The following CPNE5 variants were observed in gnomAD, a reference collection of about 807,000 sequenced individuals.
CPNE5 encodes copine 5.
Under a neutral mutation model 81.1 loss-of-function variants are expected in CPNE5, and 42 were observed. That is an observed-to-expected ratio of 0.52 (90% CI 0.40 to 0.67). The LOEUF is 0.67. CPNE5 is among the 30% of genes least tolerant of loss of function. The pLI is 0.00. For missense variants in CPNE5, 612 were observed against 815.5 expected (o/e 0.75, Z 3.04); for synonymous variants, 313 against 321.5 (o/e 0.97, Z 0.28).
intron 7 of CPNE5, among the ~76,000 whole-genome samples, chr6:36,793,216 T>C (rs950013506): frequency 1.3e-5 from 2 of 151,984 alleles, no homozygotes; most frequent in Non-Finnish European, 2.9e-5. Flanking sequence ...AGGGAGAGGC[T>C]CTCAAACAGA....
chr6:36,763,113 C>A, intron 11 of CPNE5, 121 bp from the exon 12 acceptor site: 1 of 824,502 alleles, frequency 1.2e-6, no homozygotes, highest in Non-Finnish European at 2.0e-6. Flanking sequence ...ACTCCAGGGG[C>A]ACACGCCAGC....
At chr6:36,823,617 T>G (rs1222292120) in intron 1 of CPNE5, among the ~76,000 whole-genome samples, 1 of 152,154 alleles carries the variant, frequency 6.6e-6, no homozygotes, top group Non-Finnish European at 1.5e-5. Context: ...TTGGACAAGG[T>G]CCTTCTGTGG....
chr6:36,794,172 CAG>C (rs1491284699), intron 7 of CPNE5, among the ~76,000 whole-genome samples: 1 of 118,430 alleles, frequency 8.4e-6, no homozygotes, highest in Non-Finnish European at 1.6e-5. Flanking sequence ...GGGAGGGGAA[CAG>C]GGGGGAAAGG....
In CPNE5 at chr6:36,807,206, G is replaced by T. The variant is rs922195921; in HGVS notation, c.184-7136C>A. Among the ~76,000 whole-genome samples the T allele has an allele frequency of 3.9e-4, 60 of 152,224 alleles. 1 individual carries two copies. The highest frequency in any genetic ancestry group is 5.9e-5 in the Non-Finnish European group (4 of 68,046). ...CCTAGCTTTGAAGACAGGTCTCAAG[G>T]TTTCCCACATAAAGCAGTAAAGTGA... On this transcript the variant is annotated intron_variant, in intron 3 of 20. Coordinates refer to ENST00000244751, the MANE Select transcript of CPNE5 (RefSeq NM_020939.2).
intron 12 of CPNE5, among the ~76,000 whole-genome samples, chr6:36,762,002 A>C (rs2052990): frequency 0.66 from 100,602 of 151,858 alleles, 34,041 homozygotes; most frequent in Non-Finnish European, 0.75. Flanking sequence ...CTATAATCCC[A>C]GCACTTTGGG....
At chr6:36,816,870 C>T (rs1771590701) in intron 3 of CPNE5, among the ~76,000 whole-genome samples, 1 of 152,164 alleles carries the variant, frequency 6.6e-6, no homozygotes, top group African/African-American at 2.4e-5. Context: ...CCTCTGTCTC[C>T]TGGGTTCAAG....
rs9470390 is a variant in CPNE5 at position 36,773,922 on chromosome 6, C to T, written c.737+1039G>A. Among the ~76,000 whole-genome samples, 748 of 152,042 alleles carry T rather than the reference C, an allele frequency of 4.9e-3. 4 individuals are homozygous for T. The highest frequency in any genetic ancestry group is 0.017 in the African/African-American group (695 of 41,484). On this transcript the variant is annotated intron_variant, in intron 10 of 20. Coordinates refer to ENST00000244751, the MANE Select transcript of CPNE5 (RefSeq NM_020939.2). ...TCCACCAAAAACACAAAAAATTAGC[C>T]GGGCGTGGTGGTGCATGGTTGTGGT...
At chr6:36,838,967 G>C (rs1037931297) in intron 1 of CPNE5, among the ~76,000 whole-genome samples, 1 of 152,170 alleles carries the variant, frequency 6.6e-6, no homozygotes, top group Non-Finnish European at 1.5e-5. Flanking sequence ...AGCAGAGACC[G>C]TAGTACAGCC....
chr6:36,790,677 C>T (rs1355929752), intron 8 of CPNE5, among the ~76,000 whole-genome samples: 2 of 152,156 alleles, frequency 1.3e-5, no homozygotes, highest in Non-Finnish European at 2.9e-5. Flanking sequence ...CCAATCTCAG[C>T]TCACTGCAGC....
At chr6:36,771,522 G>A (rs1767033649) in intron 10 of CPNE5, among the ~76,000 whole-genome samples, 1 of 152,238 alleles carries the variant, frequency 6.6e-6, no homozygotes. Flanking sequence ...CCATGGTTAA[G>A]TGCTATAGGA....
Position 36,798,225 on chromosome 6 carries a change from G to T in CPNE5, c.344C>A (p.Ala115Asp). Residue 115 changes from alanine (A) to aspartate (D), a missense_variant, in exon 6 of 21, where the codon GCC (alanine) becomes GAC (aspartate). Transcript: ENST00000244751. ...CACAATCTCTCCAAGGGTGCAGAAG[G>T]CCTGGCCCAGGAAATCCTGCATATC... ...DLSKHDFLGQ[A>D]FCTLGEIVGS... 6.2e-7 allele frequency: 1 copy of T among 1,613,646 alleles called. No homozygotes were observed. Among genetic ancestry groups the T allele is most frequent in the East Asian group, 2.2e-5 (1 of 44,878 alleles).
At chr6:36,790,061 A>T (rs1394633141) in intron 8 of CPNE5, among the ~76,000 whole-genome samples, 1 of 152,198 alleles carries the variant, frequency 6.6e-6, no homozygotes, top group Non-Finnish European at 1.5e-5. Flanking sequence ...CTCTAGAACC[A>T]AACTGCCAAG....
intron 3 of CPNE5, among the ~76,000 whole-genome samples, chr6:36,805,356 T>C (rs930459043): frequency 2.6e-5 from 4 of 152,350 alleles, no homozygotes; most frequent in Non-Finnish European, 5.9e-5. Context: ...TCCCTGGGCA[T>C]GCCTGTCCCT....
At chr6:36,796,196 G>A (rs753517237) in intron 6 of CPNE5, among the ~76,000 whole-genome samples, 25 of 152,144 alleles carry the variant, frequency 1.6e-4, no homozygotes, top group Non-Finnish European at 3.1e-4. Flanking sequence ...TGATCCACCC[G>A]CCTCGGCCTC....
chr6:36,792,422 C>T, intron 7 of CPNE5: 2 of 1,401,316 alleles, frequency 1.4e-6, no homozygotes, highest in African/African-American at 1.4e-5. Context: ...CAGTGGTTCT[C>T]AAACTTTCCA....
intron 3 of CPNE5, among the ~76,000 whole-genome samples, chr6:36,800,705 A>G (rs1233278639): frequency 6.6e-6 from 1 of 152,204 alleles, no homozygotes; most frequent in African/African-American, 2.4e-5. Flanking sequence ...CAAGTCATAG[A>G]ATGTCACTTC....
chr6:36,798,080 A>T, intron 6 of CPNE5, 85 bp downstream of exon 6: 2 of 996,546 alleles, frequency 2.0e-6, no homozygotes, highest in Non-Finnish European at 3.1e-6. Context: ...TAGCCAGCTG[A>T]CTGCTTTGTC....
intron 3 of CPNE5, among the ~76,000 whole-genome samples, chr6:36,803,139 G>A (rs898257865): frequency 3.9e-5 from 6 of 152,082 alleles, no homozygotes; most frequent in Admixed American, 6.5e-5. Flanking sequence ...TCACTCCCTT[G>A]GTGAGTCAAT....
At chr6:36,830,750 T>C (rs987155321) in intron 1 of CPNE5, among the ~76,000 whole-genome samples, 4 of 152,210 alleles carry the variant, frequency 2.6e-5, no homozygotes, top group African/African-American at 7.2e-5. Context: ...CATCTGGGCA[T>C]GGGGTCACAT....
Sources: allele counts gnomAD v4.1 joint callset (sites outside exome capture counted in the v4.1 genomes callset), GRCh38; gene constraint gnomAD v4.1.1; transcripts MANE v1.5; gene names NCBI Gene and HGNC (gene_info 2026-07-23, HGNC 2026-07-21).